Variants in SGCZ observed in about 807,000 individuals in gnomAD.
The protein encoded by SGCZ is zeta-sarcoglycan.
Under a neutral mutation model 41.3 loss-of-function variants are expected in SGCZ, and 40 were observed. That is an observed-to-expected ratio of 0.97 (90% CI 0.75 to 1.26). The LOEUF (loss-of-function observed/expected upper bound fraction) is 1.26, where lower values mean the gene tolerates loss of function less well. SGCZ is among the 50% of genes most tolerant of loss of function. The pLI is 0.00. For synonymous variants in SGCZ, 206 were observed against 137.5 expected (o/e 1.50, Z -3.49); for missense variants, 552 against 369.8 (o/e 1.49, Z -4.04).
chr8:14,811,740 A>T (rs1801744538), intron 1 of SGCZ, among the ~76,000 whole-genome samples: 1 of 151,934 alleles, frequency 6.6e-6, no homozygotes, highest in Non-Finnish European at 1.5e-5. Flanking sequence ...TACAGAAGCA[A>T]TTCCAGGTAA....
At chr8:14,685,341 G>A (rs1205137917) in intron 1 of SGCZ, among the ~76,000 whole-genome samples, 6 of 151,996 alleles carry the variant, frequency 3.9e-5, no homozygotes, top group African/African-American at 2.4e-5. Context: ...ATTACTATTA[G>A]AATTAGACAA....
At chr8:15,128,000 A>G (rs1807766316) in intron 1 of SGCZ, among the ~76,000 whole-genome samples, 1 of 152,212 alleles carries the variant, frequency 6.6e-6, no homozygotes, top group Non-Finnish European at 1.5e-5. Flanking sequence ...AGAATATAGT[A>G]CGGAAATAAT....
At chr8:14,429,877 ATAAGC>A (rs796995652) in intron 2 of SGCZ, among the ~76,000 whole-genome samples, 6 of 152,134 alleles carry the variant, frequency 3.9e-5, no homozygotes, top group African/African-American at 1.4e-4. Flanking sequence ...TCTTCCTGAT[ATAAGC>A]TAGGAAGTTT....
chr8:15,080,319 G>T (rs1805692651), intron 1 of SGCZ, among the ~76,000 whole-genome samples: 1 of 151,978 alleles, frequency 6.6e-6, no homozygotes, highest in African/African-American at 2.4e-5. Flanking sequence ...CTCACCGAAG[G>T]ACTCTGTGGG....
intron 5 of SGCZ, among the ~76,000 whole-genome samples, chr8:14,157,280 T>C (rs1803903171): frequency 6.7e-6 from 1 of 148,814 alleles, no homozygotes; most frequent in Non-Finnish European, 1.5e-5. Context: ...ATATAAAATG[T>C]ATATACATAT....
At chr8:14,764,958 G>T (rs1348889693) in intron 1 of SGCZ, among the ~76,000 whole-genome samples, 3 of 152,002 alleles carry the variant, frequency 2.0e-5, no homozygotes, top group African/African-American at 7.2e-5. Context: ...ACTGGTAAAG[G>T]GTGACTGTTG....
chr8:14,706,144 G>T (rs1372975127), intron 1 of SGCZ, among the ~76,000 whole-genome samples: 1 of 151,854 alleles, frequency 6.6e-6, no homozygotes, highest in Non-Finnish European at 1.5e-5. Context: ...AGTCTTCAAT[G>T]AAATCTTATC....
At chr8:14,716,197 C>T (rs1309557771) in intron 1 of SGCZ, among the ~76,000 whole-genome samples, 1 of 148,810 alleles carries the variant, frequency 6.7e-6, no homozygotes, top group Admixed American at 6.8e-5. Flanking sequence ...AAAAATACAA[C>T]AGAATAAGTG....
At chr8:14,196,678 G>A (rs1296579269) in intron 4 of SGCZ, among the ~76,000 whole-genome samples, 1 of 152,102 alleles carries the variant, frequency 6.6e-6, no homozygotes, top group African/African-American at 2.4e-5. Context: ...GGTAGTAAAT[G>A]TATGCAATGG....
intron 5 of SGCZ, among the ~76,000 whole-genome samples, chr8:14,126,946 G>A (rs1335574847): frequency 1.3e-5 from 2 of 152,032 alleles, no homozygotes; most frequent in Admixed American, 1.3e-4. Context: ...CATGGACACA[G>A]GGAGGGGGAC....
At chr8:14,969,979 A>G (rs1254971140) in intron 1 of SGCZ, among the ~76,000 whole-genome samples, 1 of 152,112 alleles carries the variant, frequency 6.6e-6, no homozygotes. Context: ...CCCCTAGTGT[A>G]TGAGAGTTCC....
chr8:14,288,145 G>C (rs1227933728), intron 3 of SGCZ, among the ~76,000 whole-genome samples: 1 of 151,940 alleles, frequency 6.6e-6, no homozygotes, highest in Non-Finnish European at 1.5e-5. Flanking sequence ...ATATAATTGA[G>C]AAAATCTTTT....
intron 1 of SGCZ, among the ~76,000 whole-genome samples, chr8:14,641,694 A>T (rs554439455): frequency 6.6e-6 from 1 of 151,814 alleles, no homozygotes; most frequent in East Asian, 1.9e-4. Context: ...CCTGAAGGAC[A>T]TAGAGTTTAT....
chr8:15,237,391 G>T (rs1028742286), intron 1 of SGCZ, among the ~76,000 whole-genome samples, 194 bp downstream of exon 1: 7 of 152,154 alleles, frequency 4.6e-5, no homozygotes, highest in Non-Finnish European at 8.8e-5. Context: ...GTGCAGCCTG[G>T]CTCGGGAGAA....
intron 1 of SGCZ, among the ~76,000 whole-genome samples, chr8:15,096,671 T>A (rs1806358037): frequency 6.6e-6 from 1 of 152,098 alleles, no homozygotes; most frequent in East Asian, 1.9e-4. Context: ...TTTTATTTTA[T>A]GTTACCTTTT....
At chr8:14,226,824 A>G (rs1806388914) in intron 4 of SGCZ, among the ~76,000 whole-genome samples, 1 of 152,116 alleles carries the variant, frequency 6.6e-6, no homozygotes. Context: ...TAGCAGCAGG[A>G]GTATAAAAGT....
At chr8:14,244,519 G>C (rs1478350015) in intron 3 of SGCZ, among the ~76,000 whole-genome samples, 1 of 152,098 alleles carries the variant, frequency 6.6e-6, no homozygotes, top group Non-Finnish European at 1.5e-5. Flanking sequence ...TTTGAAGTCA[G>C]GTAGCATGAT....
intron 3 of SGCZ, among the ~76,000 whole-genome samples, chr8:14,296,369 G>A (rs1405889221): frequency 6.6e-6 from 1 of 152,136 alleles, no homozygotes; most frequent in African/African-American, 2.4e-5. Context: ...AAATACTGAG[G>A]AAAGTTCTTT....
At chr8:14,246,946 T>A (rs1799118317) in intron 3 of SGCZ, among the ~76,000 whole-genome samples, 1 of 151,882 alleles carries the variant, frequency 6.6e-6, no homozygotes, top group South Asian at 2.1e-4. Flanking sequence ...AACTTTTATA[T>A]TTGAAATTCA....
Sources: gnomAD v4.1 joint callset for allele counts (sites outside exome capture counted in the v4.1 genomes callset) on GRCh38, gnomAD v4.1.1 for gene constraint, MANE v1.5 for transcripts, NCBI Gene and HGNC (gene_info 2026-07-23, HGNC 2026-07-21) for gene names.